Variants in VWA2 observed in about 807,000 individuals in gnomAD.
The protein encoded by VWA2 is von Willebrand factor A domain-containing protein 2.
VWA2 carries 73 observed loss-of-function variants against 70.4 expected under a neutral mutation model. That is an observed-to-expected ratio of 1.04 (90% CI 0.86 to 1.26). The LOEUF is 1.26. Among genes scored for constraint, VWA2 ranks in the 50% most tolerant of loss-of-function variants. The probability of loss-of-function intolerance (pLI) is 0.00; values close to 1 mark genes in which losing one functional copy is unlikely to be tolerated. For missense variants in VWA2, 1,011 were observed against 998.5 expected (o/e 1.01, Z -0.17); for synonymous variants, 407 against 423.3 (o/e 0.96, Z 0.47).
chr10:114,290,484 C>T, intron 13 of VWA2, 119 bp downstream of exon 13: 1 of 1,398,548 alleles, frequency 7.2e-7, no homozygotes, highest in Non-Finnish European at 9.7e-7. Context: ...AGAAATTATT[C>T]AGTCGTTTAC....
chr10:114,286,016 T>A lies in VWA2; in HGVS notation c.1075T>A (p.Phe359Ile). ...CTCTGCGGGCACCACTCTGGACGGC[T>A]TCCTGCGGGCCAAAGTCTTCGTGAA... is the stretch of plus-strand genomic sequence containing the variant. ...DSSAGTTLDGFLRAKVFVKRF... is the reference protein window; with the variant it reads ...DSSAGTTLDGILRAKVFVKRF... Residue 359 changes from phenylalanine (F) to isoleucine (I), a missense_variant, in exon 11 of 14, where the codon TTC becomes ATC. Coordinates refer to ENST00000392982, the MANE Select transcript of VWA2 (RefSeq NM_001272046.2). 1 of 1,614,146 alleles carries A rather than the reference T, an allele frequency of 6.2e-7. No individual in the cohort carries two copies. The highest frequency in any genetic ancestry group is 8.5e-7 in the Non-Finnish European group (1 of 1,180,028).
chr10:114,254,559 CAT>C (rs1457096101), intron 3 of VWA2, among the ~76,000 whole-genome samples: 2 of 152,200 alleles, frequency 1.3e-5, no homozygotes, highest in East Asian at 1.9e-4. Context: ...CATGGCCTCA[CAT>C]ATCAGGGTGC....
rs1300436501 is a variant in VWA2 at position 114,259,472 on chromosome 10, G to GT, written c.262-1702dup. Among the ~76,000 whole-genome samples the GT allele has an allele frequency of 5.2e-3, 690 of 132,892 alleles. 4 individuals are homozygous for GT. The highest frequency in any genetic ancestry group is 7.0e-3 in the Non-Finnish European group (422 of 60,670). 87.2% of individuals were successfully genotyped at this position (132,892 alleles called of 152,430 possible). ...AGGTATGTTTCGTCCCACAGAAGTT[G>GT]TTTTTTTTTTTTCATGTGGTCACAT... is the stretch of plus-strand genomic sequence containing the variant. On this transcript the variant is annotated intron_variant, in intron 4 of 13. Transcript: ENST00000392982.
At chr10:114,246,022 TC>T (rs1478739960) in intron 1 of VWA2, 1 of 603,026 alleles carries the variant, frequency 1.7e-6, no homozygotes, top group Non-Finnish European at 3.2e-6. Flanking sequence ...ACATGCTCCA[TC>T]CTCCAGGAGG....
At chr10:114,271,708 G>C (rs746500554) in intron 5 of VWA2, among the ~76,000 whole-genome samples, 4 of 152,020 alleles carry the variant, frequency 2.6e-5, no homozygotes, top group Non-Finnish European at 5.9e-5. Flanking sequence ...CTATAGTTAG[G>C]GCTGAATTAA....
chr10:114,286,489 G>GCTGTGCAGCC lies in VWA2; in HGVS notation c.1549_1558dup (p.Arg520ProfsTer46), dbSNP rs772855988. 7 of 1,585,118 alleles carry GCTGTGCAGCC rather than the reference G, an allele frequency of 4.4e-6. No individual in the cohort carries two copies. In the South Asian group the frequency reaches 7.9e-5, roughly 18 times the overall value. On this transcript the variant is annotated frameshift_variant, in exon 11 of 14. Coordinates refer to ENST00000392982, the MANE Select transcript of VWA2 (RefSeq NM_001272046.2). LOFTEE classifies it high-confidence loss of function. ...ACCAAATCCCTGAGCTGCAGGGGAA[G>GCTGTGCAGCC]CTGTGCAGCCGGCAGCGGCCAGGTA...
At chr10:114,248,787 T>C (rs2037132044) in intron 2 of VWA2, 22 bp downstream of exon 2, 1 of 1,610,922 alleles carries the variant, frequency 6.2e-7, no homozygotes, top group Admixed American at 1.7e-5. Flanking sequence ...TTATTGGTGG[T>C]GGGGAAGTAC....
chr10:114,279,532 G>T (rs909643555), intron 8 of VWA2, among the ~76,000 whole-genome samples: 3 of 152,210 alleles, frequency 2.0e-5, no homozygotes, highest in Non-Finnish European at 4.4e-5. Flanking sequence ...AAATGGATTG[G>T]CTGAGAAGCC....
chr10:114,278,087 G>C (rs1377920650), intron 7 of VWA2, 40 bp downstream of exon 7: 2 of 1,589,700 alleles, frequency 1.3e-6, no homozygotes, highest in African/African-American at 1.3e-5. Context: ...AGTGCCATGT[G>C]GGGTCGGGGA....
rs1031296035 is a variant in VWA2 at position 114,293,197 on chromosome 10, T to C, written c.*1960T>C. ...CATCTATATTCAAGGGATACTTTCA[T>C]TGATAACTTTGTTATTATGCTGCCC... is the stretch of plus-strand genomic sequence containing the variant. On this transcript the variant is annotated 3_prime_UTR_variant, in exon 14 of 14. Coordinates refer to ENST00000392982, the MANE Select transcript of VWA2 (RefSeq NM_001272046.2). 6.6e-6 allele frequency among the ~76,000 whole-genome samples: 1 copy of C among 152,226 alleles called. No homozygotes were observed. Among genetic ancestry groups the C allele is most frequent in the Non-Finnish European group, 1.5e-5 (1 of 68,038 alleles).
At chr10:114,264,071 C>T (rs553762942) in intron 5 of VWA2, among the ~76,000 whole-genome samples, 2 of 152,260 alleles carry the variant, frequency 1.3e-5, no homozygotes, top group Admixed American at 1.3e-4. Context: ...GTAAGTGGTG[C>T]CTGCCACATT....
chr10:114,241,877 G>A (rs780808649), intron 1 of VWA2, among the ~76,000 whole-genome samples: 2 of 151,738 alleles, frequency 1.3e-5, no homozygotes, highest in Non-Finnish European at 2.9e-5. Context: ...ATCCAATAAG[G>A]CTATTTTAAA....
At chr10:114,280,233 T>C (rs1319262971) in intron 8 of VWA2, among the ~76,000 whole-genome samples, 2 of 152,166 alleles carry the variant, frequency 1.3e-5, no homozygotes, top group Admixed American at 1.3e-4. Context: ...ACTCAAGAAA[T>C]ACCCACTGAG....
At chr10:114,246,985 G>T (rs939521994) in intron 1 of VWA2, among the ~76,000 whole-genome samples, 1 of 152,074 alleles carries the variant, frequency 6.6e-6, no homozygotes, top group Admixed American at 6.5e-5. Flanking sequence ...CGCTGCAGCT[G>T]CCCCCTCAGC....
At chr10:114,283,893 T>G (rs1342258914) in intron 9 of VWA2, among the ~76,000 whole-genome samples, 3 of 152,252 alleles carry the variant, frequency 2.0e-5, no homozygotes, top group African/African-American at 7.2e-5. Flanking sequence ...ATATTTTAAT[T>G]ACAATGATGT....
chr10:114,274,653 T>C (rs1381743876), intron 6 of VWA2, among the ~76,000 whole-genome samples: 3 of 151,304 alleles, frequency 2.0e-5, no homozygotes, highest in Admixed American at 2.0e-4. Context: ...CCACCACACC[T>C]GGCTACTTTT....
intron 4 of VWA2, among the ~76,000 whole-genome samples, chr10:114,255,477 C>G (rs1014741975): frequency 6.6e-6 from 1 of 152,156 alleles, no homozygotes; most frequent in Admixed American, 6.5e-5. Flanking sequence ...TCTGGCCGGA[C>G]CTCAGTTAAG....
chr10:114,248,804 G>A (rs1254205895), intron 2 of VWA2, 39 bp downstream of exon 2: 2 of 1,582,026 alleles, frequency 1.3e-6, no homozygotes, highest in Non-Finnish European at 1.7e-6. Context: ...GTACTGGCGT[G>A]TTGAGTAGGG....
intron 2 of VWA2, among the ~76,000 whole-genome samples, chr10:114,250,786 G>A (rs2037179758): frequency 6.6e-6 from 1 of 152,178 alleles, no homozygotes; most frequent in Non-Finnish European, 1.5e-5. Context: ...GATGTGTTTG[G>A]GGCCAGGGCC....
Sources: allele counts gnomAD v4.1 joint callset (sites outside exome capture counted in the v4.1 genomes callset), GRCh38; gene constraint gnomAD v4.1.1; transcripts MANE v1.5; gene names NCBI Gene and HGNC (gene_info 2026-07-23, HGNC 2026-07-21).